ZNF469: variants seen among roughly 807,000 people sequenced by gnomAD.
ZNF469 encodes the protein zinc finger protein 469.
A neutral mutation model predicts 1.0 loss-of-function variants in ZNF469; 1 was observed. The ratio of observed to expected loss-of-function variants is 1.00; its 90% CI spans 0.35 to 4.73. ZNF469 has a LOEUF of 4.73. ZNF469 is among the 30% of genes most tolerant of loss of function. ZNF469 has a pLI of 0.16. For missense variants in ZNF469, 6,100 were observed against 5,356.3 expected, an observed-to-expected ratio of 1.14 and a Z score of -4.33; for synonymous variants, 2,703 against 2,363.4, an observed-to-expected ratio of 1.14 and a Z score of -4.17.
chr16:88,130,612 A>G, the ZNF469 span, among the ~76,000 whole-genome samples: 2 of 148,852 alleles, frequency 1.3e-5, no homozygotes, highest in Non-Finnish European at 3.0e-5. Context: ...AGGCTGAGGT[A>G]GGAGAATCAC....
At chr16:88,289,740 C>T in the ZNF469 span, among the ~76,000 whole-genome samples, 155 of 152,248 alleles carry the variant, frequency 1.0e-3, no homozygotes, top group African/African-American at 3.5e-3. Context: ...TCTTGGTCTT[C>T]GTGCCTTAAG....
rs1339248916 is a variant in ZNF469, at chr16:88,430,893, G to A, written c.3423G>A (p.Ala1141=). The change falls in exon 3 of 3, where the codon GCG becomes GCA. Residue 1141 remains alanine, a synonymous_variant. Coordinates refer to ENST00000565624, the MANE Select transcript of ZNF469 (RefSeq NM_001367624.2). Reference sequence around the variant, plus strand: ...ATGAGCCACAGAAACCCCGGAAGGCGGCGAGGCAGGAAGCCGGCGGGGACG... The same window carrying A: ...ATGAGCCACAGAAACCCCGGAAGGCAGCGAGGCAGGAAGCCGGCGGGGACG... ...REDEPQKPRK[A]ARQEAGGDGA... The A allele has an allele frequency of 2.0e-6, 3 of 1,537,654 alleles. No homozygotes were observed. Among genetic ancestry groups the A allele is most frequent in the Admixed American group, 2.0e-5 (1 of 50,890 alleles).
the ZNF469 span, among the ~76,000 whole-genome samples, chr16:88,106,995 T>C: frequency 6.6e-6 from 1 of 152,194 alleles, no homozygotes; most frequent in South Asian, 2.1e-4. Flanking sequence ...TGAAGAGCCA[T>C]TGTAATATCC....
chr16:88,196,362 G>A, the ZNF469 span, among the ~76,000 whole-genome samples: 1 of 152,170 alleles, frequency 6.6e-6, no homozygotes, highest in South Asian at 2.1e-4. Context: ...TGAGGGCAAG[G>A]ATCCCAGCCT....
At position 88,424,423 on chromosome 16, in the gene ZNF469, C is replaced by A. The variant is rs1905612697; in HGVS notation, c.-191-384C>A. The stretch of plus-strand genomic sequence containing the variant: ...AGCTCCTCTAGTCTCCCCAGCGGGA[C>A]TGGGGAGGGATCCTGGCAGGGATGG... On this transcript the variant is annotated intron_variant, in intron 1 of 2. Coordinates refer to ENST00000565624, the MANE Select transcript of ZNF469 (RefSeq NM_001367624.2). The surrounding 1 kb of genome is among the most constrained non-coding windows in gnomAD (Gnocchi z 4.3). 6.6e-6 allele frequency among the ~76,000 whole-genome samples: 1 copy of A among 152,140 alleles called. No individual in the cohort carries two copies. Among genetic ancestry groups the A allele is most frequent in the African/African-American group, 2.4e-5 (1 of 41,410 alleles).
chr16:88,331,230 AT>A, the ZNF469 span, among the ~76,000 whole-genome samples: 1 of 124,768 alleles, frequency 8.0e-6, no homozygotes, highest in East Asian at 2.1e-4. Flanking sequence ...CACCACCACC[AT>A]CACCACCATC....
chr16:88,163,146 A>G, the ZNF469 span, among the ~76,000 whole-genome samples: 1 of 126,224 alleles, frequency 7.9e-6, no homozygotes, highest in Admixed American at 8.2e-5. Context: ...AGATGGGTAG[A>G]TAGGTGGGCA....
At chr16:88,258,225 T>G in the ZNF469 span, among the ~76,000 whole-genome samples, 1 of 152,212 alleles carries the variant, frequency 6.6e-6, no homozygotes, top group Non-Finnish European at 1.5e-5. Context: ...TGTGTGTGTG[T>G]GTGTTAGGGA....
chr16:88,116,161 G>T, the ZNF469 span, among the ~76,000 whole-genome samples: 1 of 152,238 alleles, frequency 6.6e-6, no homozygotes, highest in African/African-American at 2.4e-5. Flanking sequence ...GTGAGAATGG[G>T]CAAGATGTGG....
At chr16:88,332,408 GC>G in the ZNF469 span, among the ~76,000 whole-genome samples, 3 of 152,222 alleles carry the variant, frequency 2.0e-5, no homozygotes, top group African/African-American at 7.2e-5. Flanking sequence ...CGCGTGCCCT[GC>G]CCCCTCTGTG....
chr16:88,372,833 A>G, the ZNF469 span, among the ~76,000 whole-genome samples: 1 of 151,826 alleles, frequency 6.6e-6, no homozygotes. Context: ...GATCTTTACC[A>G]TCTTTACCAT....
chr16:88,418,224 A>G (rs1204393142), intron 1 of ZNF469, among the ~76,000 whole-genome samples: 3 of 152,210 alleles, frequency 2.0e-5, no homozygotes, highest in African/African-American at 7.2e-5. Context: ...AATGGACACC[A>G]TCTACAGAGC....
Position 88,430,818 on chromosome 16 carries a change from C to G in ZNF469, c.3348C>G (p.Gly1116=). The G allele has an allele frequency of 6.5e-7, 1 of 1,532,772 alleles. No individual in the cohort carries two copies. 94.9% of individuals were successfully genotyped at this position (1,532,772 alleles called of 1,614,324 possible). A position where few individuals can be genotyped will look rare whatever the true frequency, so the allele number is the denominator to read the frequency against. Residue 1116 remains glycine, a synonymous_variant, in exon 3 of 3, where the codon GGC becomes GGG. Coordinates refer to ENST00000565624, the MANE Select transcript of ZNF469 (RefSeq NM_001367624.2). ...PRGPGFRGRR[G]RGEKRKEVEL... ...GCCCCGGCTTCAGAGGCCGGCGGGG[C>G]CGAGGCGAGAAGAGGAAGGAAGTGG...
In ZNF469 at chr16:88,424,136, G is replaced by A. The variant is rs773275199; in HGVS notation, c.-191-671G>A. ...CATTGCTGTATTGTTTCTAAGGGCCGAATGCAGGCAGCAGCCCAGTGTCCA... is the reference window on the plus strand; with the variant it reads ...CATTGCTGTATTGTTTCTAAGGGCCAAATGCAGGCAGCAGCCCAGTGTCCA... On this transcript the variant is annotated intron_variant, in intron 1 of 2. Coordinates refer to ENST00000565624, the MANE Select transcript of ZNF469 (RefSeq NM_001367624.2). This position sits in a 1 kb window ranked among gnomAD's most constrained non-coding sequence, Gnocchi z 4.3. 1.1e-4 allele frequency among the ~76,000 whole-genome samples: 17 copies of A among 152,372 alleles called. No individual in the cohort carries two copies. The highest frequency in any genetic ancestry group is 6.2e-4 in the South Asian group (3 of 4,832).
chr16:88,292,654 G>A, the ZNF469 span, among the ~76,000 whole-genome samples: 2 of 152,202 alleles, frequency 1.3e-5, no homozygotes, highest in African/African-American at 4.8e-5. Flanking sequence ...CCAGGCCTCG[G>A]TGGCCTTGAC....
the ZNF469 span, among the ~76,000 whole-genome samples, chr16:88,237,119 C>T: frequency 2.7e-5 from 4 of 147,636 alleles, no homozygotes; most frequent in Non-Finnish European, 6.0e-5. Context: ...GAGCAGCTTC[C>T]TGGGCCCCTA....
At chr16:88,120,869 C>T in the ZNF469 span, among the ~76,000 whole-genome samples, 2 of 152,194 alleles carry the variant, frequency 1.3e-5, no homozygotes, top group Non-Finnish European at 1.5e-5. Context: ...GCTGCGTCCA[C>T]TGGAGCCGCC....
the ZNF469 span, among the ~76,000 whole-genome samples, chr16:88,224,856 G>GTCCCCAGCGGC: frequency 8.5e-5 from 13 of 152,330 alleles, no homozygotes; most frequent in East Asian, 2.3e-3. Flanking sequence ...CGCCCAGTGG[G>GTCCCCAGCGGC]TCCCCAGCGG....
chr16:88,246,836 ATGG>A, the ZNF469 span, among the ~76,000 whole-genome samples: 1 of 151,986 alleles, frequency 6.6e-6, no homozygotes, highest in Non-Finnish European at 1.5e-5. Context: ...GAGTGAGTGA[ATGG>A]TGAATGAGTG....
Sources: gnomAD v4.1 joint callset for allele counts (sites outside exome capture counted in the v4.1 genomes callset) on GRCh38, gnomAD v4.1.1 for gene constraint, Gnocchi (gnomAD v3.1) non-coding constraint, MANE v1.5 for transcripts, NCBI Gene and HGNC (gene_info 2026-07-23, HGNC 2026-07-21) for gene names.